Variants in CTXND1 observed in about 807,000 individuals in gnomAD.
CTXND1 encodes the protein cortexin domain-containing 1 protein.
chr15:80,235,728 C>T (rs919551874), intron 1 of CTXND1, among the ~76,000 whole-genome samples: 1 of 151,940 alleles, frequency 6.6e-6, no homozygotes, highest in Admixed American at 6.6e-5. Context: ...ACCCACCTGC[C>T]ACTATCACAG....
At chr15:80,246,440 G>A (rs563668675) in intron 1 of CTXND1, among the ~76,000 whole-genome samples, 3 of 152,332 alleles carry the variant, frequency 2.0e-5, no homozygotes, top group African/African-American at 7.2e-5. Flanking sequence ...GATGAAGATC[G>A]GAGCCACATA....
intron 1 of CTXND1, among the ~76,000 whole-genome samples, chr15:80,237,865 T>G (rs67856843): frequency 0.11 from 16,226 of 151,860 alleles, 896 homozygotes; most frequent in African/African-American, 0.13. Context: ...AAAAATTAGC[T>G]GGATGTGGTG....
intron 1 of CTXND1, among the ~76,000 whole-genome samples, chr15:80,250,945 C>G (rs1304926808): frequency 6.6e-6 from 1 of 152,150 alleles, no homozygotes; most frequent in East Asian, 1.9e-4. Context: ...ACTAGATCCC[C>G]TAGTTCACTG....
At chr15:80,245,034 T>C (rs1893612776) in intron 1 of CTXND1, among the ~76,000 whole-genome samples, 1 of 152,000 alleles carries the variant, frequency 6.6e-6, no homozygotes, top group Non-Finnish European at 1.5e-5. Flanking sequence ...ATGGGTAAAA[T>C]AGGGGTGAGG....
chr15:80,236,915 C>T (rs971096437), intron 1 of CTXND1, among the ~76,000 whole-genome samples: 3 of 152,156 alleles, frequency 2.0e-5, no homozygotes, highest in Non-Finnish European at 2.9e-5. Flanking sequence ...AACAAACCCA[C>T]AGCACAGTCA....
At chr15:80,222,265 A>T (rs1202029281) in intron 1 of CTXND1, among the ~76,000 whole-genome samples, 1 of 152,202 alleles carries the variant, frequency 6.6e-6, no homozygotes, top group Non-Finnish European at 1.5e-5. Context: ...TAATAAATCC[A>T]CATGTACCAA....
rs2041423146 is a variant in CTXND1 at position 80,196,910 on chromosome 15, T to A, written c.*4860A>T. ...TACTGAGCTGCAGTGGGTGCAGGAG[T>A]TTTGATCCTCTAGCTGTGGCCAGGG... is the stretch of plus-strand genomic sequence containing the variant. On this transcript the variant is annotated 3_prime_UTR_variant, in exon 3 of 3. Coordinates refer to ENST00000560778, the MANE Select transcript of CTXND1 (RefSeq NM_001352888.2). The A allele has an allele frequency of 6.6e-6, 1 of 152,192 alleles. No homozygotes were observed. 9.4% of individuals were successfully genotyped at this position (152,192 alleles called of 1,614,324 possible).
chr15:80,204,006 C>G (rs1013539843), intron 1 of CTXND1, among the ~76,000 whole-genome samples: 1 of 150,894 alleles, frequency 6.6e-6, no homozygotes. Flanking sequence ...ACAAAAAGTA[C>G]AAAAAGTTTA....
intron 1 of CTXND1, among the ~76,000 whole-genome samples, chr15:80,249,136 G>A (rs934016087): frequency 6.6e-6 from 1 of 151,916 alleles, no homozygotes; most frequent in Non-Finnish European, 1.5e-5. Flanking sequence ...ATTTTTTTGT[G>A]GAGATAAGTT....
At chr15:80,247,566 C>G (rs764568892) in intron 1 of CTXND1, among the ~76,000 whole-genome samples, 1 of 152,078 alleles carries the variant, frequency 6.6e-6, no homozygotes, top group Non-Finnish European at 1.5e-5. Flanking sequence ...TTGGAACACT[C>G]AAATCCACCC....
intron 1 of CTXND1, among the ~76,000 whole-genome samples, chr15:80,228,050 A>G (rs1404582967): frequency 6.6e-6 from 1 of 152,264 alleles, no homozygotes; most frequent in Non-Finnish European, 1.5e-5. Context: ...TGTCATTTCA[A>G]CAAGGTTCAC....
Position 80,199,185 on chromosome 15 carries a change from G to A in CTXND1, c.*2585C>T, listed in dbSNP as rs1383395058. The stretch of plus-strand genomic sequence containing the variant: ...TCTGAGTGTGGAAAAGAATTAATTA[G>A]GACCAAGGGATTCTCAGGCAGTGCT... On this transcript the variant is annotated 3_prime_UTR_variant, in exon 3 of 3. Coordinates refer to ENST00000560778, the MANE Select transcript of CTXND1 (RefSeq NM_001352888.2). 4 of 152,196 alleles carry A rather than the reference G, an allele frequency of 2.6e-5. No homozygotes were observed. The highest frequency in any genetic ancestry group is 7.2e-5 in the African/African-American group (3 of 41,438). 9.4% of individuals were successfully genotyped at this position (152,196 alleles called of 1,614,324 possible). A position where few individuals can be genotyped will look rare whatever the true frequency, so the allele number is the denominator to read the frequency against.
At position 80,201,638 on chromosome 15, in the gene CTXND1, CT is replaced by C. The variant is rs2041449614; in HGVS notation, c.*131del. The stretch of plus-strand genomic sequence containing the variant: ...GAGGGCTGAGAGGGCTAAGCTGCAC[CT>C]TCTGTTTCCCTGGGTGGCCAGATTC... On this transcript the variant is annotated 3_prime_UTR_variant, in exon 3 of 3. Transcript: ENST00000560778. The C allele has an allele frequency of 1.3e-5, 5 of 397,436 alleles. No individual in the cohort carries two copies. Among genetic ancestry groups the C allele is most frequent in the Admixed American group, 8.8e-5 (2 of 22,700 alleles). The allele number at this position is 397,436 out of a possible 1,614,324, so 24.6% of individuals were successfully genotyped here. A position where few individuals can be genotyped will look rare whatever the true frequency, so the allele number is the denominator to read the frequency against.
At chr15:80,228,853 C>A (rs1893399553) in intron 1 of CTXND1, among the ~76,000 whole-genome samples, 1 of 152,062 alleles carries the variant, frequency 6.6e-6, no homozygotes, top group Admixed American at 6.6e-5. Flanking sequence ...TGGTCTTGAA[C>A]TCCTGACCTC....
Position 80,196,720 on chromosome 15 carries a change from T to C in CTXND1, c.*5050A>G, listed in dbSNP as rs1005617431. The C allele has an allele frequency of 6.6e-6, 1 of 152,246 alleles. No individual in the cohort carries two copies. Among genetic ancestry groups the C allele is most frequent in the African/African-American group, 2.4e-5 (1 of 41,462 alleles). 9.4% of individuals were successfully genotyped at this position (152,246 alleles called of 1,614,324 possible). ...TGCTAAGTGGTAATAAGATGAATTG[T>C]GCTGGTTTTTCTTCTTTTGCTCCAG... On this transcript the variant is annotated 3_prime_UTR_variant, in exon 3 of 3. Transcript: ENST00000560778.
intron 1 of CTXND1, among the ~76,000 whole-genome samples, chr15:80,214,106 A>G (rs1386355860): frequency 6.6e-6 from 1 of 152,200 alleles, no homozygotes; most frequent in Non-Finnish European, 1.5e-5. Flanking sequence ...TTATAATAAT[A>G]ATTTGTACCT....
chr15:80,227,459 G>A (rs1893384518), intron 1 of CTXND1, among the ~76,000 whole-genome samples: 2 of 152,098 alleles, frequency 1.3e-5, no homozygotes, highest in African/African-American at 4.8e-5. Context: ...TCCTCCTCAA[G>A]TAGACATCCG....
chr15:80,214,812 A>G (rs1485143145), intron 1 of CTXND1, among the ~76,000 whole-genome samples: 1 of 152,210 alleles, frequency 6.6e-6, no homozygotes, highest in Non-Finnish European at 1.5e-5. Flanking sequence ...CAAAATCAAC[A>G]CAGTTAAAAA....
At chr15:80,230,820 C>T (rs540513440) in intron 1 of CTXND1, among the ~76,000 whole-genome samples, 43 of 152,136 alleles carry the variant, frequency 2.8e-4, no homozygotes, top group Non-Finnish European at 3.7e-4. Flanking sequence ...AGTCCAAGGA[C>T]GCTGAGGCAG....
Sources: allele counts gnomAD v4.1 joint callset (sites outside exome capture counted in the v4.1 genomes callset), GRCh38; gene constraint gnomAD v4.1.1; transcripts MANE v1.5; gene names NCBI Gene and HGNC (gene_info 2026-07-23, HGNC 2026-07-21).